Variants in POGZ observed in about 807,000 individuals in gnomAD.
POGZ encodes the protein pogo transposable element derived with ZNF domain, also known as pogo transposable element with ZNF domain.
A neutral mutation model predicts 134.6 loss-of-function variants in POGZ; 17 were observed. The observed-to-expected ratio is 0.13, with a 90% confidence interval of 0.09 to 0.19. The LOEUF is 0.19. Among genes scored for constraint, POGZ ranks in the 10% least tolerant of loss-of-function variants. The pLI, the probability that POGZ is intolerant of heterozygous loss-of-function variation, is 1.00. For synonymous variants in POGZ, 693 were observed against 657.1 expected (o/e 1.05, Z -0.84); for missense variants, 1,306 against 1,769.7 (o/e 0.74, Z 4.70).
chr1:151,416,427 A>G (rs1483625040), intron 10 of POGZ, among the ~76,000 whole-genome samples: 5 of 151,866 alleles, frequency 3.3e-5, no homozygotes, highest in Admixed American at 1.3e-4. Flanking sequence ...GCCTGAACCC[A>G]GGAGGCTTAA....
At chr1:151,430,594 C>G (rs557005156) in intron 4 of POGZ, 72 bp downstream of exon 4, 1 of 1,218,952 alleles carries the variant, frequency 8.2e-7, no homozygotes, top group East Asian at 2.6e-5. Flanking sequence ...GCCAAAGACC[C>G]TAAGTCAGAG....
At chr1:151,426,825 C>A (rs1032273245) in intron 7 of POGZ, 17 of 151,958 alleles carry the variant, frequency 1.1e-4, no homozygotes, top group African/African-American at 4.1e-4. Flanking sequence ...GTCTTTGATC[C>A]ATTTTGAGTT....
At chr1:151,439,367 GT>G (rs1321824101) in intron 3 of POGZ, among the ~76,000 whole-genome samples, 1 of 151,984 alleles carries the variant, frequency 6.6e-6, no homozygotes, top group Non-Finnish European at 1.5e-5. Context: ...CATATTTTCA[GT>G]ACCCAAATAC....
At chr1:151,417,798 A>G (rs1656050448) in intron 10 of POGZ, among the ~76,000 whole-genome samples, 1 of 152,128 alleles carries the variant, frequency 6.6e-6, no homozygotes, top group Admixed American at 6.6e-5. Flanking sequence ...GTCTACAATT[A>G]ACAAACAATT....
Position 151,406,153 on chromosome 1 carries a change from C to A in POGZ, c.2882G>T (p.Gly961Val), listed in dbSNP as rs746222547. The change falls in exon 19 of 19, where the codon GGT becomes GTT. Residue 961 changes from glycine to valine, a missense_variant. Coordinates refer to ENST00000271715, the MANE Select transcript of POGZ (RefSeq NM_015100.4). ...VTQEPELASG[G>V]GGSGGVGKKE... ...TTTGCCAACTCCACCACTACCACCA[C>A]CACCTGATGCTAGCTCAGGTTCTTG... The A allele has an allele frequency of 1.9e-6, 3 of 1,614,226 alleles. No individual in the cohort carries two copies. The highest frequency in any genetic ancestry group is 1.1e-5 in the South Asian group (1 of 91,086).
chr1:151,430,725 T>C lies in POGZ; in HGVS notation c.400A>G (p.Asn134Asp). ...PVLRPVQVMQ[N>D]ANHVTSSPVA... ...GGGGAACTAGTCACATGATTGGCAT[T>C]CTGCATGACCTGAACAGGCCTCAAT... Residue 134 changes from asparagine (N) to aspartate (D), a missense_variant, in exon 4 of 19, where the codon AAT (asparagine) becomes GAT (aspartate). Physicochemically the swap from Asn to Asp is conservative, Grantham distance 23. Transcript: ENST00000271715. 1.2e-6 allele frequency: 2 copies of C among 1,610,150 alleles called. No homozygotes were observed. The highest frequency in any genetic ancestry group is 1.7e-6 in the Non-Finnish European group (2 of 1,178,316).
At chr1:151,410,326 T>G (rs1571349587) in intron 12 of POGZ, among the ~76,000 whole-genome samples, 2 of 152,354 alleles carry the variant, frequency 1.3e-5, no homozygotes, top group East Asian at 3.9e-4. Context: ...CATTCATTTG[T>G]TCTGCTGAAA....
intron 2 of POGZ, 33 bp from the exon 3 acceptor site, chr1:151,441,119 A>T (rs758184254): frequency 6.3e-7 from 1 of 1,588,058 alleles, no homozygotes; most frequent in South Asian, 1.1e-5. Flanking sequence ...TCACTTGGAG[A>T]CAGGGACAGA....
At chr1:151,442,698 G>A (rs1660729470) in intron 1 of POGZ, among the ~76,000 whole-genome samples, 1 of 114,276 alleles carries the variant, frequency 8.8e-6, no homozygotes, top group Non-Finnish European at 1.8e-5. Context: ...GGGACAGAGT[G>A]AGACTCTGTC....
intron 1 of POGZ, among the ~76,000 whole-genome samples, chr1:151,444,949 C>A (rs575456591): frequency 4.6e-5 from 7 of 151,902 alleles, no homozygotes; most frequent in Non-Finnish European, 7.4e-5. Context: ...ATCGCCTGAG[C>A]CCAGGAGTTC....
chr1:151,406,000 G>T lies in POGZ; in HGVS notation c.3035C>A (p.Ala1012Asp). The change falls in exon 19 of 19, where the codon GCC (alanine) becomes GAC (aspartate). Residue 1012 changes from alanine (A) to aspartate (D), a missense_variant. Physicochemically the swap from Ala to Asp is moderately radical, Grantham distance 126. This residue lies in a region of POGZ where 214 missense variants were observed against 255.5 expected (regional missense o/e 0.84). Coordinates refer to ENST00000271715, the MANE Select transcript of POGZ (RefSeq NM_015100.4). The surrounding 1 kb of genome is among the most constrained non-coding windows in gnomAD (Gnocchi z 4.9). The stretch of plus-strand genomic sequence containing the variant: ...GCCCTCTAGATTCTCCCCCTGGGAG[G>T]CCTGGAAACGTCGAAGCCAACGGCG... ...RIRRWLRRFQ[A>D]SQGENLEGKY... 7 of 1,614,206 alleles carry T rather than the reference G, an allele frequency of 4.3e-6. No individual in the cohort carries two copies. The highest frequency in any genetic ancestry group is 5.9e-6 in the Non-Finnish European group (7 of 1,180,026).
chr1:151,442,297 T>C, intron 1 of POGZ, 92 bp from the exon 2 acceptor site: 1 of 1,115,428 alleles, frequency 9.0e-7, no homozygotes, highest in South Asian at 1.5e-5. Context: ...ACTCCATTGG[T>C]AACCTACCTC....
At chr1:151,435,518 A>T (rs1156985677) in intron 3 of POGZ, among the ~76,000 whole-genome samples, 1 of 148,218 alleles carries the variant, frequency 6.7e-6, no homozygotes, top group Non-Finnish European at 1.5e-5. Flanking sequence ...TTTGAGATGG[A>T]GTCTTGCTCT....
In POGZ at chr1:151,403,815, C is replaced by T; in HGVS notation, c.*987G>A. ...TAGGACCAGTAATCCCTTAAACAGG[C>T]ATGCTCTCCATCTAACAGGATGAAG... On this transcript the variant is annotated 3_prime_UTR_variant, in exon 19 of 19. Transcript: ENST00000271715. The T allele has an allele frequency of 2.0e-6, 2 of 985,530 alleles. No individual in the cohort carries two copies. Among genetic ancestry groups the T allele is most frequent in the Non-Finnish European group, 2.4e-6 (2 of 829,940 alleles). The allele number at this position is 985,530 out of a possible 1,614,324, so 61.0% of individuals were successfully genotyped here.
At chr1:151,436,873 T>C (rs947181600) in intron 3 of POGZ, among the ~76,000 whole-genome samples, 3 of 152,210 alleles carry the variant, frequency 2.0e-5, no homozygotes, top group Non-Finnish European at 2.9e-5. Context: ...GGAGTAGAAC[T>C]GCTGGGTTAT....
At chr1:151,423,307 G>T (rs550857121) in intron 10 of POGZ, 90 bp downstream of exon 10, 1 of 1,098,834 alleles carries the variant, frequency 9.1e-7, no homozygotes, top group Non-Finnish European at 1.4e-6. Flanking sequence ...TTACCCACAT[G>T]TAAATAAATA....
intron 9 of POGZ, 101 bp downstream of exon 9, chr1:151,423,848 T>C (rs991751838): frequency 9.3e-6 from 8 of 860,650 alleles, no homozygotes; most frequent in East Asian, 5.2e-5. Context: ...CAAGACTGCA[T>C]AGTAGTTAGG....
intron 1 of POGZ, among the ~76,000 whole-genome samples, chr1:151,449,657 G>A (rs1369064505): frequency 2.0e-5 from 3 of 152,226 alleles, no homozygotes; most frequent in Non-Finnish European, 4.4e-5. Context: ...AGCACTTTGG[G>A]AGGCCGAGGT....
In POGZ at chr1:151,403,998, G is replaced by C. The variant is rs1237418587; in HGVS notation, c.*804C>G. ...AGAGGGATGGATGGTGTTGAGAATG[G>C]GGAAAGGGGCCAAGGATCACAAGTG... On this transcript the variant is annotated 3_prime_UTR_variant, in exon 19 of 19. Coordinates refer to ENST00000271715, the MANE Select transcript of POGZ (RefSeq NM_015100.4). 2 of 985,258 alleles carry C rather than the reference G, an allele frequency of 2.0e-6. No homozygotes were observed. Among genetic ancestry groups the C allele is most frequent in the Non-Finnish European group, 1.2e-6 (1 of 829,886 alleles). The allele number at this position is 985,258 out of a possible 1,614,324, so 61.0% of individuals were successfully genotyped here. A position where few individuals can be genotyped will look rare whatever the true frequency, so the allele number is the denominator to read the frequency against.
Sources: gnomAD v4.1 joint callset for allele counts (sites outside exome capture counted in the v4.1 genomes callset) on GRCh38, gnomAD v4.1.1 for gene constraint, gnomAD v4.1.1 regional missense constraint, Gnocchi (gnomAD v3.1) non-coding constraint, MANE v1.5 for transcripts, NCBI Gene and HGNC (gene_info 2026-07-23, HGNC 2026-07-21) for gene names.